CAMK1D: variants seen among roughly 807,000 people sequenced by gnomAD.
CAMK1D encodes calcium/calmodulin-dependent protein kinase type 1D.
CAMK1D carries 9 observed loss-of-function variants against 47.7 expected under a neutral mutation model. The ratio of observed to expected loss-of-function variants is 0.19; its 90% CI spans 0.11 to 0.33. The LOEUF is 0.33. CAMK1D is among the 10% of genes least tolerant of loss of function. CAMK1D has a pLI of 1.00. For synonymous variants in CAMK1D, 184 were observed against 184.9 expected, an observed-to-expected ratio of 0.99 and a Z score of 0.04; for missense variants, 291 against 488.7, an observed-to-expected ratio of 0.60 and a Z score of 3.81.
chr10:12,426,322 C>T (rs1158880255), intron 1 of CAMK1D, among the ~76,000 whole-genome samples: 5 of 152,092 alleles, frequency 3.3e-5, no homozygotes, highest in Non-Finnish European at 7.4e-5. Flanking sequence ...TCTCGGCTCA[C>T]TGCAACGTCC....
chr10:12,607,408 G>C (rs1426571184), intron 2 of CAMK1D, among the ~76,000 whole-genome samples: 1 of 152,214 alleles, frequency 6.6e-6, no homozygotes, highest in Non-Finnish European at 1.5e-5. Flanking sequence ...GAGAGGTGTT[G>C]TGGGTTCTAG....
intron 1 of CAMK1D, among the ~76,000 whole-genome samples, chr10:12,387,856 G>T (rs962841163): frequency 6.6e-6 from 1 of 152,112 alleles, no homozygotes; most frequent in African/African-American, 2.4e-5. Context: ...CGGGATGTAA[G>T]TTCTGAACTA....
At chr10:12,479,946 C>G (rs375530610) in intron 1 of CAMK1D, among the ~76,000 whole-genome samples, 25 of 152,138 alleles carry the variant, frequency 1.6e-4, no homozygotes, top group African/African-American at 4.8e-4. Context: ...TTCTGCCCCC[C>G]CAAATGCCAC....
intron 2 of CAMK1D, among the ~76,000 whole-genome samples, chr10:12,557,729 C>T (rs1588630338): frequency 6.6e-6 from 1 of 152,196 alleles, no homozygotes; most frequent in East Asian, 1.9e-4. Flanking sequence ...GTGTTTGTTT[C>T]CTGGCCATTG....
intron 1 of CAMK1D, among the ~76,000 whole-genome samples, chr10:12,392,018 A>ACACACAC (rs1383103500): frequency 9.4e-5 from 9 of 95,796 alleles, no homozygotes; most frequent in African/African-American, 3.6e-4. Context: ...CACACACACA[A>ACACACAC]ACAGTCTGGG....
intron 1 of CAMK1D, among the ~76,000 whole-genome samples, chr10:12,413,481 T>C (rs1839735430): frequency 7.2e-6 from 1 of 138,994 alleles, no homozygotes; most frequent in Admixed American, 7.2e-5. Context: ...GGTGTATGTT[T>C]TGTGATGATG....
intron 5 of CAMK1D, among the ~76,000 whole-genome samples, chr10:12,780,697 C>G (rs574306632): frequency 6.6e-6 from 1 of 152,314 alleles, no homozygotes; most frequent in East Asian, 1.9e-4. Context: ...CACTTAAATA[C>G]CATATTTTGG....
At chr10:12,773,489 T>G (rs1452777445) in intron 5 of CAMK1D, among the ~76,000 whole-genome samples, 1 of 152,250 alleles carries the variant, frequency 6.6e-6, no homozygotes, top group Non-Finnish European at 1.5e-5. Context: ...GTCATAGGTA[T>G]TGTTTTTATT....
At chr10:12,523,637 C>T (rs71489179) in intron 1 of CAMK1D, among the ~76,000 whole-genome samples, 7,133 of 152,240 alleles carry the variant, frequency 0.047, 233 homozygotes, top group Non-Finnish European at 0.075. Context: ...CGCAGGCACT[C>T]GGCAGGCTGA....
intron 5 of CAMK1D, among the ~76,000 whole-genome samples, chr10:12,772,193 G>A (rs1017043091): frequency 1.3e-5 from 2 of 152,022 alleles, no homozygotes; most frequent in African/African-American, 4.8e-5. Context: ...AGTGTGTGTG[G>A]TATATTCATG....
At chr10:12,622,327 G>A (rs1307436596) in intron 2 of CAMK1D, among the ~76,000 whole-genome samples, 1 of 152,144 alleles carries the variant, frequency 6.6e-6, no homozygotes, top group Non-Finnish European at 1.5e-5. Flanking sequence ...GGGCTAGAGA[G>A]AAAGTAGGCT....
At chr10:12,811,787 A>G (rs976860603) in intron 6 of CAMK1D, among the ~76,000 whole-genome samples, 1 of 152,240 alleles carries the variant, frequency 6.6e-6, no homozygotes, top group African/African-American at 2.4e-5. Flanking sequence ...AAGATGAACT[A>G]ACATTTTGCT....
intron 1 of CAMK1D, among the ~76,000 whole-genome samples, chr10:12,437,065 C>T (rs77387051): frequency 2.1e-3 from 326 of 152,082 alleles, no homozygotes; most frequent in Middle Eastern, 6.8e-3. Context: ...GTGGTGGTGA[C>T]GTGTGAAATG....
At chr10:12,625,113 G>A (rs1839167705) in intron 2 of CAMK1D, among the ~76,000 whole-genome samples, 1 of 152,006 alleles carries the variant, frequency 6.6e-6, no homozygotes, top group African/African-American at 2.4e-5. Flanking sequence ...AAGGCAGGCA[G>A]ATCACCTGAG....
rs540982337 is a variant in CAMK1D at position 12,415,186 on chromosome 10, A to C, written c.92+65276A>C. Among the ~76,000 whole-genome samples the C allele has an allele frequency of 1.2e-3, 159 of 135,150 alleles. 3 individuals are homozygous for C. The South Asian group carries it at 0.036, about 31-fold the overall frequency. 88.7% of individuals were successfully genotyped at this position (135,150 alleles called of 152,430 possible). A position where few individuals can be genotyped will look rare whatever the true frequency, so the allele number is the denominator to read the frequency against. On this transcript the variant is annotated intron_variant, in intron 1 of 10. Coordinates refer to ENST00000619168, the MANE Select transcript of CAMK1D (RefSeq NM_153498.4). ...GTTTCCAGTCTATTAATATCACTTA[A>C]AATGCATGTGATATTTCTTTTTAAA... is the stretch of plus-strand genomic sequence containing the variant.
intron 1 of CAMK1D, among the ~76,000 whole-genome samples, chr10:12,486,645 C>G (rs775373804): frequency 6.6e-6 from 1 of 152,208 alleles, no homozygotes; most frequent in South Asian, 2.1e-4. Context: ...AAAATGCCAG[C>G]TTCTCTGTTA....
chr10:12,559,139 C>G (rs995378483), intron 2 of CAMK1D, among the ~76,000 whole-genome samples: 3 of 151,916 alleles, frequency 2.0e-5, no homozygotes, highest in African/African-American at 4.8e-5. Flanking sequence ...GAGACTCTGT[C>G]TCTATAAAAC....
At chr10:12,405,089 A>C (rs1432062387) in intron 1 of CAMK1D, among the ~76,000 whole-genome samples, 1 of 152,202 alleles carries the variant, frequency 6.6e-6, no homozygotes, top group East Asian at 1.9e-4. Context: ...AAGACTGGTC[A>C]CTGCATGTTG....
chr10:12,452,491 CATTT>C (rs1297414972), intron 1 of CAMK1D, among the ~76,000 whole-genome samples: 1 of 151,338 alleles, frequency 6.6e-6, no homozygotes, highest in East Asian at 1.9e-4. Context: ...TATAAATATA[CATTT>C]ATTTGTATAT....
Sources: allele counts gnomAD v4.1 joint callset (sites outside exome capture counted in the v4.1 genomes callset), GRCh38; gene constraint gnomAD v4.1.1; transcripts MANE v1.5; gene names NCBI Gene and HGNC (gene_info 2026-07-23, HGNC 2026-07-21).